Variants in TMEFF2 observed in about 807,000 individuals in gnomAD.
The protein encoded by TMEFF2 is tomoregulin-2.
Under a neutral mutation model 53.8 loss-of-function variants are expected in TMEFF2, and 28 were observed. The ratio of observed to expected loss-of-function variants is 0.52; its 90% CI spans 0.39 to 0.71. TMEFF2 has a LOEUF of 0.71. Among genes scored for constraint, TMEFF2 ranks in the 30% least tolerant of loss-of-function variants. TMEFF2 has a pLI of 0.00. For synonymous variants in TMEFF2, 162 were observed against 166.3 expected (o/e 0.97, Z 0.20); for missense variants, 353 against 455.2 (o/e 0.78, Z 2.04).
chr2:192,150,540 C>T (rs577385172), intron 4 of TMEFF2, among the ~76,000 whole-genome samples: 7 of 151,908 alleles, frequency 4.6e-5, no homozygotes, highest in African/African-American at 1.7e-4. Flanking sequence ...ATGCATAGAA[C>T]AGGTGCATCC....
intron 4 of TMEFF2, among the ~76,000 whole-genome samples, 191 bp from the exon 5 acceptor site, chr2:192,057,966 C>G (rs1687952456): frequency 6.6e-6 from 1 of 152,024 alleles, no homozygotes; most frequent in Admixed American, 6.5e-5. Context: ...ATATGTTTCC[C>G]ATTGGTATGT....
chr2:192,111,656 C>T (rs1689278487), intron 4 of TMEFF2, among the ~76,000 whole-genome samples: 1 of 152,128 alleles, frequency 6.6e-6, no homozygotes, highest in Non-Finnish European at 1.5e-5. Flanking sequence ...AAAGAGGAGC[C>T]AAATGTTAAT....
At chr2:192,174,631 T>C (rs777875823) in intron 4 of TMEFF2, among the ~76,000 whole-genome samples, 12 of 151,696 alleles carry the variant, frequency 7.9e-5, no homozygotes, top group Non-Finnish European at 1.6e-4. Context: ...AGCTCTCAGG[T>C]GTGGCAGAGC....
chr2:192,153,929 T>C (rs1172127837), intron 4 of TMEFF2, among the ~76,000 whole-genome samples: 2 of 151,940 alleles, frequency 1.3e-5, no homozygotes, highest in Non-Finnish European at 1.5e-5. Flanking sequence ...GAGAAAATTC[T>C]ATCAAAACTA....
At chr2:192,168,644 A>AT (rs985684275) in intron 4 of TMEFF2, among the ~76,000 whole-genome samples, 5 of 151,872 alleles carry the variant, frequency 3.3e-5, no homozygotes, top group Admixed American at 6.6e-5. Flanking sequence ...GCATGCCATT[A>AT]TTTTTTTATT....
chr2:192,179,654 A>C lies in TMEFF2; in HGVS notation c.439+14T>G, dbSNP rs769656617. ...ACCAGTAAATCTTCAAATATGTAAA[A>C]AGGCAACTCCTACCTCCATCTCCAG... On this transcript the variant is annotated intron_variant, in intron 4 of 9. Transcript: ENST00000272771. 2.6e-6 allele frequency: 4 copies of C among 1,559,438 alleles called. No homozygotes were observed. The African/African-American group carries it at 5.6e-5, about 22-fold the overall frequency.
intron 5 of TMEFF2, among the ~76,000 whole-genome samples, chr2:192,022,874 A>C (rs1686887965): frequency 1.3e-5 from 2 of 152,270 alleles, no homozygotes; most frequent in South Asian, 4.1e-4. Flanking sequence ...TTTCTAGATA[A>C]ATTACATTCT....
At chr2:192,091,402 C>T (rs1688787464) in intron 4 of TMEFF2, among the ~76,000 whole-genome samples, 1 of 152,112 alleles carries the variant, frequency 6.6e-6, no homozygotes, top group African/African-American at 2.4e-5. Flanking sequence ...CTCCCCTTTA[C>T]ATTCCCAGGA....
chr2:191,986,293 T>C (rs1201303737), intron 7 of TMEFF2, among the ~76,000 whole-genome samples: 1 of 152,172 alleles, frequency 6.6e-6, no homozygotes, highest in African/African-American at 2.4e-5. Flanking sequence ...TCAAAATTTG[T>C]AAGAAGTAGC....
chr2:192,184,411 C>T lies in TMEFF2; in HGVS notation c.355G>A (p.Ala119Thr), dbSNP rs768644331. 1.9e-6 allele frequency: 3 copies of T among 1,613,396 alleles called. No individual in the cohort carries two copies. The highest frequency in any genetic ancestry group is 2.5e-6 in the Non-Finnish European group (3 of 1,179,552). Reference sequence around the variant, plus strand: ...ATCTCACTCTGCTGTTTGCATGCAGCCTGTCGCAGGTAACACTCATTCTGG... The same window carrying T: ...ATCTCACTCTGCTGTTTGCATGCAGTCTGTCGCAGGTAACACTCATTCTGG... Reference protein sequence around the residue: ...SYQNECYLRQAACKQQSEILV... With the variant: ...SYQNECYLRQTACKQQSEILV... Residue 119 changes from alanine to threonine, a missense_variant, in exon 3 of 10, where the codon GCT (alanine) becomes ACT (threonine). Physicochemically the swap from Ala to Thr is moderately conservative, Grantham distance 58. Around this residue, in one of 3 missense-constraint regions of TMEFF2, gnomAD observed 294 missense variants for 397.3 expected, o/e 0.74. Coordinates refer to ENST00000272771, the MANE Select transcript of TMEFF2 (RefSeq NM_016192.4).
intron 7 of TMEFF2, among the ~76,000 whole-genome samples, chr2:191,988,984 G>C (rs1686042821): frequency 6.6e-6 from 1 of 152,152 alleles, no homozygotes; most frequent in African/African-American, 2.4e-5. Flanking sequence ...CATAAATGCT[G>C]ATCTACCATA....
At chr2:192,173,615 T>C (rs551154592) in intron 4 of TMEFF2, among the ~76,000 whole-genome samples, 1 of 152,006 alleles carries the variant, frequency 6.6e-6, no homozygotes, top group Non-Finnish European at 1.5e-5. Flanking sequence ...GTTTTAAGAA[T>C]AATTATGTAC....
At position 192,046,051 on chromosome 2, in the gene TMEFF2, C is replaced by T. The variant is rs181171839; in HGVS notation, c.536+11628G>A. 3.3e-5 allele frequency among the ~76,000 whole-genome samples: 5 copies of T among 152,254 alleles called. 1 individual carries two copies. The East Asian group carries it at 9.6e-4, about 29-fold the overall frequency. On this transcript the variant is annotated intron_variant, in intron 5 of 9. Transcript: ENST00000272771. ...TCCCTGGTCTTACCATGTTTCCTGC[C>T]ATCCTATAGCTGCTGGCTTGATAGA...
chr2:192,021,887 A>C (rs1686868723), intron 5 of TMEFF2: 1 of 152,246 alleles, frequency 6.6e-6, no homozygotes, highest in African/African-American at 2.4e-5. Flanking sequence ...TAGTTCTTTC[A>C]TAATTCAGTT....
intron 7 of TMEFF2, among the ~76,000 whole-genome samples, chr2:191,971,393 C>T (rs769357494): frequency 6.6e-6 from 1 of 152,234 alleles, no homozygotes; most frequent in African/African-American, 2.4e-5. Flanking sequence ...AAATGGCTAA[C>T]ATTTAGAATT....
Position 192,184,439 on chromosome 2 carries a change from G to A in TMEFF2, c.327C>T (p.Ser109=). The A allele has an allele frequency of 6.2e-7, 1 of 1,613,362 alleles. No homozygotes were observed. Among genetic ancestry groups the A allele is most frequent in the Non-Finnish European group, 8.5e-7 (1 of 1,179,510 alleles). Residue 109 remains serine (S), a synonymous_variant, in exon 3 of 10, where the codon AGC becomes AGT. Transcript: ENST00000272771. ...GTCGCAGGTAACACTCATTCTGGTAGCTCTCCCCATTGGAGCCACACACAG... is the reference window on the plus strand; with the variant it reads ...GTCGCAGGTAACACTCATTCTGGTAACTCTCCCCATTGGAGCCACACACAG... ...YVPVCGSNGE[S]YQNECYLRQA...
At chr2:192,060,201 C>T (rs1688011058) in intron 4 of TMEFF2, among the ~76,000 whole-genome samples, 1 of 152,142 alleles carries the variant, frequency 6.6e-6, no homozygotes, top group African/African-American at 2.4e-5. Flanking sequence ...TCCAGAGCAT[C>T]CTCCTCAGGC....
intron 7 of TMEFF2, among the ~76,000 whole-genome samples, chr2:191,961,028 ATAT>A (rs1419512941): frequency 6.6e-6 from 1 of 152,216 alleles, no homozygotes; most frequent in Non-Finnish European, 1.5e-5. Flanking sequence ...TTACTAGAGA[ATAT>A]TATTTTTGAT....
intron 4 of TMEFF2, among the ~76,000 whole-genome samples, chr2:192,075,173 G>C (rs1688379108): frequency 6.7e-6 from 1 of 149,864 alleles, no homozygotes; most frequent in South Asian, 2.1e-4. Flanking sequence ...GAATATCTTT[G>C]GTTCCTCTGT....
Sources: allele counts gnomAD v4.1 joint callset (sites outside exome capture counted in the v4.1 genomes callset), GRCh38; gene constraint gnomAD v4.1.1; regional missense constraint gnomAD v4.1.1; transcripts MANE v1.5; gene names NCBI Gene and HGNC (gene_info 2026-07-23, HGNC 2026-07-21).